The following COLEC12 variants were observed in gnomAD, a reference collection of about 807,000 sequenced individuals.
The protein encoded by COLEC12 is collectin-12.
A neutral mutation model predicts 71.1 loss-of-function variants in COLEC12; 33 were observed. The observed-to-expected ratio is 0.46, with a 90% CI of 0.35 to 0.62. The LOEUF (loss-of-function observed/expected upper bound fraction) is 0.62. Among genes scored for constraint, COLEC12 ranks in the 20% least tolerant of loss-of-function variants. The probability of loss-of-function intolerance (pLI) is 0.00; values close to 1 mark genes in which losing one functional copy is unlikely to be tolerated. For synonymous variants in COLEC12, 350 were observed against 353.0 expected (o/e 0.99, Z 0.10); for missense variants, 765 against 916.1 (o/e 0.84, Z 2.13).
At chr18:476,751 T>G (rs1006441434) in intron 2 of COLEC12, among the ~76,000 whole-genome samples, 1 of 152,174 alleles carries the variant, frequency 6.6e-6, no homozygotes, top group African/African-American at 2.4e-5. Flanking sequence ...AATAGACAAA[T>G]ATCACTTTCG....
chr18:422,374 C>G (rs1296689720), intron 2 of COLEC12, among the ~76,000 whole-genome samples: 1 of 152,170 alleles, frequency 6.6e-6, no homozygotes, highest in African/African-American at 2.4e-5. Flanking sequence ...CATCATTCCT[C>G]TCCTAAACCT....
At chr18:442,000 T>TACACACACACACACACA (rs1309639326) in intron 2 of COLEC12, among the ~76,000 whole-genome samples, 1 of 116,700 alleles carries the variant, frequency 8.6e-6, no homozygotes, top group Non-Finnish European at 1.8e-5. Context: ...ACTCTCTCTC[T>TACACACACACACACACA]CTACACACAC....
At chr18:397,392 A>G (rs1339371765) in intron 2 of COLEC12, among the ~76,000 whole-genome samples, 1 of 152,232 alleles carries the variant, frequency 6.6e-6, no homozygotes. Flanking sequence ...ATTACTTAAT[A>G]GTCCAAGGCG....
chr18:375,125 T>C (rs1915085001), intron 2 of COLEC12, among the ~76,000 whole-genome samples: 1 of 152,186 alleles, frequency 6.6e-6, no homozygotes, highest in Non-Finnish European at 1.5e-5. Flanking sequence ...CACACCTAGT[T>C]TCATCTGGGT....
intron 2 of COLEC12, among the ~76,000 whole-genome samples, chr18:369,128 T>A (rs1374748454): frequency 6.6e-6 from 1 of 152,194 alleles, no homozygotes; most frequent in Non-Finnish European, 1.5e-5. Flanking sequence ...CTGTTAAACA[T>A]TTGCCAGCAT....
intron 2 of COLEC12, among the ~76,000 whole-genome samples, chr18:365,898 C>G (rs1037890799): frequency 6.6e-6 from 1 of 152,130 alleles, no homozygotes; most frequent in Non-Finnish European, 1.5e-5. Flanking sequence ...AACTGAGGCC[C>G]AAGGAACTCC....
intron 2 of COLEC12, among the ~76,000 whole-genome samples, chr18:473,496 T>TGGGATTACAC (rs67157450): frequency 4.3e-4 from 5 of 11,748 alleles, no homozygotes; most frequent in South Asian, 5.6e-3. Flanking sequence ...CCCGAGAAGC[T>TGGGATTACAC]GGGATTACAG....
At chr18:382,877 G>A (rs1432065629) in intron 2 of COLEC12, among the ~76,000 whole-genome samples, 1 of 152,184 alleles carries the variant, frequency 6.6e-6, no homozygotes, top group Non-Finnish European at 1.5e-5. Context: ...TGTATACATT[G>A]TGTAATGATC....
intron 2 of COLEC12, among the ~76,000 whole-genome samples, chr18:431,488 G>T (rs566894698): frequency 6.6e-6 from 1 of 152,346 alleles, no homozygotes; most frequent in East Asian, 1.9e-4. Context: ...AGACCTGAAT[G>T]AATGAATAAC....
chr18:361,542 G>T (rs1051080146), intron 2 of COLEC12, among the ~76,000 whole-genome samples: 1 of 152,062 alleles, frequency 6.6e-6, no homozygotes. Context: ...AAGGATGCGC[G>T]CATGAACACA....
intron 2 of COLEC12, among the ~76,000 whole-genome samples, chr18:392,865 C>T (rs1915492035): frequency 6.6e-6 from 1 of 152,210 alleles, no homozygotes; most frequent in Non-Finnish European, 1.5e-5. Context: ...GACTAAACAT[C>T]TTTGGAAAAG....
At chr18:418,971 C>T (rs1023591736) in intron 2 of COLEC12, among the ~76,000 whole-genome samples, 1 of 152,156 alleles carries the variant, frequency 6.6e-6, no homozygotes, top group Non-Finnish European at 1.5e-5. Context: ...TGGATCAGGA[C>T]CCCTTTCCTT....
At chr18:473,421 G>A (rs1567918824) in intron 2 of COLEC12, among the ~76,000 whole-genome samples, 1 of 152,292 alleles carries the variant, frequency 6.6e-6, no homozygotes, top group South Asian at 2.1e-4. Context: ...GGAGTTCAGT[G>A]GCGTGATCTC....
At chr18:416,268 T>G (rs1010554886) in intron 2 of COLEC12, among the ~76,000 whole-genome samples, 8 of 151,994 alleles carry the variant, frequency 5.3e-5, no homozygotes, top group African/African-American at 1.7e-4. Context: ...CTGAAAACAG[T>G]AAAGAGCAGC....
At chr18:326,218 TTC>T (rs1489129859) in intron 8 of COLEC12, among the ~76,000 whole-genome samples, 7 of 152,386 alleles carry the variant, frequency 4.6e-5, no homozygotes. Flanking sequence ...TTTGTGATTT[TTC>T]TCTTTGACCC....
At chr18:332,755 C>A (rs1266054982) in intron 7 of COLEC12, among the ~76,000 whole-genome samples, 1 of 152,200 alleles carries the variant, frequency 6.6e-6, no homozygotes, top group Non-Finnish European at 1.5e-5. Context: ...ATTATTTCAA[C>A]AGCCACCAGA....
chr18:483,506 G>A (rs541211424), intron 1 of COLEC12, among the ~76,000 whole-genome samples: 7 of 152,246 alleles, frequency 4.6e-5, no homozygotes, highest in South Asian at 2.1e-4. Context: ...TCTGCAGAAA[G>A]GGAAGAGATC....
intron 2 of COLEC12, among the ~76,000 whole-genome samples, chr18:415,615 T>C (rs1432355870): frequency 3.3e-5 from 5 of 152,184 alleles, no homozygotes; most frequent in Non-Finnish European, 5.9e-5. Context: ...GACTTAAATT[T>C]GTAAAAGTTG....
intron 1 of COLEC12, among the ~76,000 whole-genome samples, chr18:481,737 A>AC (rs559510879): frequency 6.6e-6 from 1 of 151,998 alleles, no homozygotes; most frequent in South Asian, 2.1e-4. Context: ...ATGTTTTATC[A>AC]CCCAACCTTT....
Sources: allele counts gnomAD v4.1 joint callset (sites outside exome capture counted in the v4.1 genomes callset), GRCh38; gene constraint gnomAD v4.1.1; transcripts MANE v1.5; gene names NCBI Gene and HGNC (gene_info 2026-07-23, HGNC 2026-07-21).